Variants in SLIT2 observed in about 807,000 individuals in gnomAD.
The protein encoded by SLIT2 is slit homolog 2 protein.
SLIT2 carries 41 observed loss-of-function variants against 185.7 expected under a neutral mutation model. That is an observed-to-expected ratio of 0.22 (90% confidence interval 0.17 to 0.29). The LOEUF is 0.29. Among genes scored for constraint, SLIT2 ranks in the 10% least tolerant of loss-of-function variants. The pLI, the probability that SLIT2 is intolerant of heterozygous loss-of-function variation, is 1.00. For synonymous variants in SLIT2, 693 were observed against 680.2 expected (o/e 1.02, Z -0.29); for missense variants, 1,571 against 1,909.0 (o/e 0.82, Z 3.30).
chr4:20,468,507 A>G (rs1325196594), intron 5 of SLIT2, among the ~76,000 whole-genome samples: 1 of 151,958 alleles, frequency 6.6e-6, no homozygotes, highest in African/African-American at 2.4e-5. Context: ...CCTTTGATAA[A>G]TCTTTAGTCT....
At chr4:20,612,245 GAAA>G (rs139866324) in intron 34 of SLIT2, among the ~76,000 whole-genome samples, 108 of 56,238 alleles carry the variant, frequency 1.9e-3, no homozygotes, top group African/African-American at 7.3e-3. Flanking sequence ...ACTATCTCAA[GAAA>G]AAAAAAAAAA....
At position 20,556,927 on chromosome 4, in the gene SLIT2, G is replaced by A. The variant is rs138617462; in HGVS notation, c.2725+2959G>A. Among the ~76,000 whole-genome samples the A allele has an allele frequency of 2.6e-3, 403 of 152,136 alleles. 10 individuals are homozygous for A. The South Asian group carries it at 0.06, about 23-fold the overall frequency. On this transcript the variant is annotated intron_variant, in intron 26 of 36. Transcript: ENST00000504154. ...GAAACAGCCTTATTGCTGATATGGA[G>A]AAAGTGTTAGTGATCCAAATGGAAG...
Position 20,472,493 on chromosome 4 carries a change from GATATATATCT to G in SLIT2, c.467+4678_467+4687del, listed in dbSNP as rs1560454502. Among the ~76,000 whole-genome samples, 12 of 10,406 alleles carry G rather than the reference GATATATATCT, an allele frequency of 1.2e-3. 4 individuals are homozygous for G. Among genetic ancestry groups the G allele is most frequent in the African/African-American group, 7.0e-3 (12 of 1,710 alleles). 6.8% of individuals were successfully genotyped at this position (10,406 alleles called of 152,430 possible). On this transcript the variant is annotated intron_variant, in intron 5 of 36. Coordinates refer to ENST00000504154, the MANE Select transcript of SLIT2 (RefSeq NM_004787.4). The stretch of plus-strand genomic sequence containing the variant: ...ATATATAGATATATATCTATATATA[GATATATATCT>G]ATATATAGATAGATATATATCTATA...
At chr4:20,288,493 G>T (rs1428376175) in intron 4 of SLIT2, among the ~76,000 whole-genome samples, 1 of 152,220 alleles carries the variant, frequency 6.6e-6, no homozygotes, top group South Asian at 2.1e-4. Context: ...TTCCTGAAGT[G>T]CTGGGTGATG....
At chr4:20,608,116 A>G (rs1728931241) in intron 33 of SLIT2, among the ~76,000 whole-genome samples, 1 of 152,100 alleles carries the variant, frequency 6.6e-6, no homozygotes, top group Admixed American at 6.5e-5. Flanking sequence ...GACCGATATG[A>G]TAGTGATGGT....
chr4:20,275,577 C>A (rs1321899049), intron 4 of SLIT2, among the ~76,000 whole-genome samples: 1 of 152,122 alleles, frequency 6.6e-6, no homozygotes, highest in East Asian at 1.9e-4. Context: ...TGCATTTATC[C>A]TTACTGTAGT....
intron 25 of SLIT2, among the ~76,000 whole-genome samples, chr4:20,551,965 T>A (rs754886183): frequency 6.6e-6 from 1 of 152,200 alleles, no homozygotes; most frequent in Non-Finnish European, 1.5e-5. Flanking sequence ...TATCAATTGA[T>A]GTTTTGTACA....
intron 28 of SLIT2, 107 bp downstream of exon 28, chr4:20,567,722 T>C: frequency 1.2e-6 from 1 of 868,256 alleles, no homozygotes; most frequent in Non-Finnish European, 1.9e-6. Context: ...TTTCAAAGAA[T>C]TTGAGAGAAA....
At chr4:20,255,016 G>A (rs576691180) in intron 1 of SLIT2, 2 of 456,336 alleles carry the variant, frequency 4.4e-6, no homozygotes, top group East Asian at 7.0e-5. Flanking sequence ...AGTGGAGCAT[G>A]GAGGCCGTTC....
At position 20,527,993 on chromosome 4, in the gene SLIT2, T is replaced by A. The variant is rs377422766; in HGVS notation, c.1463-956T>A. Among the ~76,000 whole-genome samples, 13 of 152,286 alleles carry A rather than the reference T, an allele frequency of 8.5e-5. No individual in the cohort carries two copies. In the East Asian group the frequency reaches 1.2e-3, roughly 14 times the overall value. ...CCACAGATCTTTTGAGCTTCTCTGT[T>A]GTCCTTGTAGCTCACCTTCAACTTC... On this transcript the variant is annotated intron_variant, in intron 15 of 36. Transcript: ENST00000504154.
At chr4:20,476,463 G>C (rs74693798) in intron 5 of SLIT2, among the ~76,000 whole-genome samples, 1 of 151,900 alleles carries the variant, frequency 6.6e-6, no homozygotes, top group South Asian at 2.1e-4. Context: ...ACTATTTCTA[G>C]CACTTTAAAT....
At chr4:20,316,736 A>C (rs1448683706) in intron 4 of SLIT2, among the ~76,000 whole-genome samples, 1 of 151,252 alleles carries the variant, frequency 6.6e-6, no homozygotes, top group Non-Finnish European at 1.5e-5. Flanking sequence ...TATTTTACCT[A>C]TACATTAGTT....
chr4:20,333,136 G>A (rs1478368849), intron 4 of SLIT2, among the ~76,000 whole-genome samples: 1 of 152,058 alleles, frequency 6.6e-6, no homozygotes, highest in Non-Finnish European at 1.5e-5. Flanking sequence ...ATTTGGAGGA[G>A]AATACCCTTA....
At chr4:20,470,136 C>T (rs952600332) in intron 5 of SLIT2, among the ~76,000 whole-genome samples, 2 of 151,828 alleles carry the variant, frequency 1.3e-5, no homozygotes, top group East Asian at 1.9e-4. Context: ...AAAGACCTTT[C>T]GAAACAGTAA....
intron 4 of SLIT2, among the ~76,000 whole-genome samples, chr4:20,270,034 C>T (rs1195390857): frequency 1.3e-5 from 2 of 151,636 alleles, no homozygotes; most frequent in Admixed American, 6.6e-5. Context: ...TTTTGTGTTC[C>T]CTGCTGCTCA....
At chr4:20,318,559 C>A (rs1004676093) in intron 4 of SLIT2, among the ~76,000 whole-genome samples, 3 of 152,088 alleles carry the variant, frequency 2.0e-5, no homozygotes, top group Non-Finnish European at 4.4e-5. Context: ...TTGCTTTTTG[C>A]AATATTTTTT....
chr4:20,267,402 T>G (rs1713146607), intron 3 of SLIT2, among the ~76,000 whole-genome samples: 1 of 151,846 alleles, frequency 6.6e-6, no homozygotes, highest in Admixed American at 6.6e-5. Context: ...TATTAAGGCC[T>G]GAGAATGTTT....
At chr4:20,264,657 T>A (rs1712842899) in intron 3 of SLIT2, among the ~76,000 whole-genome samples, 1 of 151,864 alleles carries the variant, frequency 6.6e-6, no homozygotes, top group South Asian at 2.1e-4. Context: ...TTGAGGTTGT[T>A]AAGAATCAGT....
chr4:20,489,415 T>G (rs1236230189), intron 8 of SLIT2, among the ~76,000 whole-genome samples: 3 of 152,226 alleles, frequency 2.0e-5, no homozygotes, highest in Non-Finnish European at 2.9e-5. Flanking sequence ...CATGCATACA[T>G]GTATACTAAT....
Sources: allele counts gnomAD v4.1 joint callset (sites outside exome capture counted in the v4.1 genomes callset), GRCh38; gene constraint gnomAD v4.1.1; transcripts MANE v1.5; gene names NCBI Gene and HGNC (gene_info 2026-07-23, HGNC 2026-07-21).